Variants in GABRR1 observed in about 807,000 individuals in gnomAD.
GABRR1 encodes the protein gamma-aminobutyric acid receptor subunit rho-1.
In GABRR1, 59 loss-of-function variants were observed where a neutral mutation model predicts 55.5. The ratio of observed to expected loss-of-function variants is 1.06; its 90% CI spans 0.86 to 1.32. GABRR1 has a LOEUF of 1.32. Among genes scored for constraint, GABRR1 ranks in the 40% most tolerant of loss-of-function variants. The pLI is 0.00. For missense variants in GABRR1, 602 were observed against 619.1 expected (o/e 0.97, Z 0.29); for synonymous variants, 213 against 226.0 (o/e 0.94, Z 0.51).
At chr6:89,190,000 T>G (rs1291728038) in intron 6 of GABRR1, among the ~76,000 whole-genome samples, 165 bp downstream of exon 6, 1 of 151,442 alleles carries the variant, frequency 6.6e-6, no homozygotes, top group African/African-American at 2.4e-5. Context: ...GAGCAGAGAC[T>G]GCGCCACGGC....
intron 1 of GABRR1, among the ~76,000 whole-genome samples, chr6:89,222,954 G>A (rs1473759429): frequency 6.6e-6 from 1 of 152,186 alleles, no homozygotes; most frequent in African/African-American, 2.4e-5. Flanking sequence ...GATAGCAGAG[G>A]CTTAATTTTA....
chr6:89,217,342 G>A lies in GABRR1; in HGVS notation c.-20C>T, dbSNP rs1361034279. ...CAACATGGGTTTCCAAATTCAAACA[G>A]CTCTCTCCAGAAACAGCAAAAAGGA... On this transcript the variant is annotated 5_prime_UTR_variant, in exon 1 of 10. Transcript: ENST00000454853. The A allele has an allele frequency of 6.2e-7, 1 of 1,612,860 alleles. No homozygotes were observed. Among genetic ancestry groups the A allele is most frequent in the African/African-American group, 1.3e-5 (1 of 74,798 alleles).
rs545553434 is a variant in GABRR1 at position 89,212,341 on chromosome 6, G to T, written c.122+4860C>A. ...AGCTCTTACCTGGCCTCAGACTCTGGTCATAGACTCTGGATTACTTTCTCT... is the reference window on the plus strand; with the variant it reads ...AGCTCTTACCTGGCCTCAGACTCTGTTCATAGACTCTGGATTACTTTCTCT... On this transcript the variant is annotated intron_variant, in intron 1 of 9. Coordinates refer to ENST00000454853, the MANE Select transcript of GABRR1 (RefSeq NM_002042.5). 2.9e-5 allele frequency among the ~76,000 whole-genome samples: 3 copies of T among 102,462 alleles called. 1 individual carries two copies. Among genetic ancestry groups the T allele is most frequent in the Admixed American group, 2.1e-4 (2 of 9,682 alleles). 67.2% of individuals were successfully genotyped at this position (102,462 alleles called of 152,430 possible).
Position 89,185,371 on chromosome 6 carries a change from G to C in GABRR1, c.735C>G (p.Leu245=). ...DSLKTDERIS[L]SQFLIQEFHT... is the part of the protein sequence containing the mutation. Reference sequence around the variant, plus strand: ...GGAATTCCTGAATGAGGAACTGGGAGAGTGAGATCCGTTCATCTGTCTTTA... The same window carrying C: ...GGAATTCCTGAATGAGGAACTGGGACAGTGAGATCCGTTCATCTGTCTTTA... Residue 245 remains leucine (L), a synonymous_variant, in exon 7 of 10, where the codon CTC becomes CTG. Coordinates refer to ENST00000454853, the MANE Select transcript of GABRR1 (RefSeq NM_002042.5). 6.2e-7 allele frequency: 1 copy of C among 1,613,942 alleles called. No homozygotes were observed. Among genetic ancestry groups the C allele is most frequent in the Non-Finnish European group, 8.5e-7 (1 of 1,179,840 alleles).
At chr6:89,221,627 T>A (rs1253886214), upstream of GABRR1, among the ~76,000 whole-genome samples, 1 of 152,200 alleles carries the variant, frequency 6.6e-6, no homozygotes, top group Non-Finnish European at 1.5e-5. Flanking sequence ...TAAGCATCCA[T>A]GGATTTTGGA....
chr6:89,194,758 C>T (rs1772210026), intron 5 of GABRR1, among the ~76,000 whole-genome samples: 1 of 151,956 alleles, frequency 6.6e-6, no homozygotes, highest in Non-Finnish European at 1.5e-5. Context: ...TCTTTAGAGG[C>T]TCTCAACAGC....
intron 6 of GABRR1, among the ~76,000 whole-genome samples, chr6:89,188,783 T>C (rs9451176): frequency 0.27 from 41,047 of 152,014 alleles, 5,840 homozygotes; most frequent in Non-Finnish European, 0.31. Flanking sequence ...AATTTGCGTA[T>C]TTTTTTCTTT....
intron 8 of GABRR1, 117 bp from the exon 9 acceptor site, chr6:89,180,605 T>G (rs1771688231): frequency 8.2e-7 from 1 of 1,223,292 alleles, no homozygotes; most frequent in Non-Finnish European, 1.1e-6. Context: ...TCTCCATCCC[T>G]GCTCCACTGC....
chr6:89,197,402 G>A (rs550942246), intron 5 of GABRR1, among the ~76,000 whole-genome samples: 123 of 152,316 alleles, frequency 8.1e-4, no homozygotes, highest in Non-Finnish European at 1.6e-3. Flanking sequence ...AGTTTCTAAA[G>A]TTCCTGTGCA....
Position 89,181,916 on chromosome 6 carries a change from C to G in GABRR1, c.938G>C (p.Arg313Thr). ...GAGGTATTCCTTACCTAAGGGGACT[C>G]TGGCAGGCACGGCTCTGCGGTCGAT... Reference protein sequence around the residue: ...FWIDRRAVPARVPLGITTVLT... With the variant: ...FWIDRRAVPATVPLGITTVLT... The change falls in exon 8 of 10, where the codon AGA becomes ACA. Residue 313 changes from arginine to threonine, a missense_variant. Around this residue, in one of 3 missense-constraint regions of GABRR1, gnomAD observed 435 missense variants for 424.2 expected, o/e 1.03. Coordinates refer to ENST00000454853, the MANE Select transcript of GABRR1 (RefSeq NM_002042.5). 6.2e-7 allele frequency: 1 copy of G among 1,612,454 alleles called. No individual in the cohort carries two copies. Among genetic ancestry groups the G allele is most frequent in the Non-Finnish European group, 8.5e-7 (1 of 1,179,084 alleles).
intron 7 of GABRR1, among the ~76,000 whole-genome samples, chr6:89,182,584 C>T (rs929804166): frequency 1.2e-4 from 18 of 152,192 alleles, no homozygotes; most frequent in Admixed American, 1.3e-4. Context: ...ACTACCATCA[C>T]GCCTGGGTCA....
chr6:89,204,536 G>T (rs1772583209), intron 1 of GABRR1: 1 of 846,920 alleles, frequency 1.2e-6, no homozygotes, highest in Non-Finnish European at 1.6e-6. Flanking sequence ...ACCTAAAAAG[G>T]GAGACAGGAG....
upstream of GABRR1, among the ~76,000 whole-genome samples, chr6:89,218,094 GCTATAAT>G (rs1773042714): frequency 1.3e-5 from 2 of 152,166 alleles, no homozygotes; most frequent in African/African-American, 4.8e-5. Flanking sequence ...TTAAGACTCT[GCTATAAT>G]CTACAGGCCG....
chr6:89,186,628 C>T (rs60318370), intron 6 of GABRR1, among the ~76,000 whole-genome samples: 6,579 of 152,318 alleles, frequency 0.043, 471 homozygotes, highest in African/African-American at 0.15. Flanking sequence ...GGCTACATTC[C>T]AGATGGAGGC....
chr6:89,191,016 T>A (rs1772068969), intron 5 of GABRR1, among the ~76,000 whole-genome samples: 1 of 152,248 alleles, frequency 6.6e-6, no homozygotes, highest in African/African-American at 2.4e-5. Context: ...TGGACTCCTT[T>A]TCCTTCAACC....
At chr6:89,222,130 T>C (rs1773123621), upstream of GABRR1, among the ~76,000 whole-genome samples, 1 of 152,242 alleles carries the variant, frequency 6.6e-6, no homozygotes, top group Non-Finnish European at 1.5e-5. Context: ...GGAGCTGCAC[T>C]CATCACTTCA....
chr6:89,197,731 G>A (rs1582390451), intron 5 of GABRR1, among the ~76,000 whole-genome samples: 1 of 152,128 alleles, frequency 6.6e-6, no homozygotes, highest in East Asian at 1.9e-4. Context: ...GTAAGTCCTT[G>A]AGAACACATT....
At chr6:89,218,108 G>A (rs564927127), upstream of GABRR1, among the ~76,000 whole-genome samples, 3 of 152,218 alleles carry the variant, frequency 2.0e-5, no homozygotes, top group South Asian at 6.2e-4. Context: ...TAATCTACAG[G>A]CCGGATCTTG....
At chr6:89,212,849 G>A (rs1772874082) in intron 1 of GABRR1, among the ~76,000 whole-genome samples, 1 of 151,924 alleles carries the variant, frequency 6.6e-6, no homozygotes, top group Admixed American at 6.6e-5. Flanking sequence ...TTTTTGTACT[G>A]TTTATAGAAA....
Sources: gnomAD v4.1 joint callset for allele counts (sites outside exome capture counted in the v4.1 genomes callset) on GRCh38, gnomAD v4.1.1 for gene constraint, gnomAD v4.1.1 regional missense constraint, MANE v1.5 for transcripts, NCBI Gene and HGNC (gene_info 2026-07-23, HGNC 2026-07-21) for gene names.